ZBTB7C: variants seen among roughly 807,000 people sequenced by gnomAD.
The protein encoded by ZBTB7C is zinc finger and BTB domain-containing protein 7C.
A neutral mutation model predicts 25.7 loss-of-function variants in ZBTB7C; 8 were observed. The observed-to-expected ratio is 0.31, with a 90% confidence interval of 0.18 to 0.56. The LOEUF is 0.56. Ranked by LOEUF, ZBTB7C falls within the 20% of genes least tolerant of loss-of-function variation. The probability of loss-of-function intolerance (pLI) is 0.91; values close to 1 mark genes in which losing one functional copy is unlikely to be tolerated. For synonymous variants in ZBTB7C, 394 were observed against 369.0 expected (o/e 1.07, Z -0.78); for missense variants, 824 against 855.2 (o/e 0.96, Z 0.46).
rs1345493584 is a variant in ZBTB7C at position 48,259,471 on chromosome 18, T to C, written c.-78-73476A>G. On this transcript the variant is annotated intron_variant, in intron 2 of 4. Coordinates refer to ENST00000590800, the MANE Select transcript of ZBTB7C (RefSeq NM_001318841.2). ...AAACAAGAGAAAAATCTTTCTGACCTTCAGTTAGGCAATAATGTCTTAGAT... is the reference window on the plus strand; with the variant it reads ...AAACAAGAGAAAAATCTTTCTGACCCTCAGTTAGGCAATAATGTCTTAGAT... Among the ~76,000 whole-genome samples, 2 of 126,064 alleles carry C rather than the reference T, an allele frequency of 1.6e-5. 1 individual carries two copies. The highest frequency in any genetic ancestry group is 7.3e-5 in the African/African-American group (2 of 27,342). The allele number at this position is 126,064 out of a possible 152,430, so 82.7% of individuals were successfully genotyped here. A position where few individuals can be genotyped will look rare whatever the true frequency, so the allele number is the denominator to read the frequency against.
At chr18:48,082,810 T>C (rs1328179163) in intron 3 of ZBTB7C, among the ~76,000 whole-genome samples, 1 of 152,146 alleles carries the variant, frequency 6.6e-6, no homozygotes, top group African/African-American at 2.4e-5. Context: ...TAGAGCAGGT[T>C]GCTTTGATGG....
chr18:48,292,599 T>G (rs1430991055), intron 2 of ZBTB7C, among the ~76,000 whole-genome samples: 6 of 152,180 alleles, frequency 3.9e-5, no homozygotes, highest in Admixed American at 3.9e-4. Flanking sequence ...GCTCGTCTGC[T>G]GCAGGTAGCC....
intron 2 of ZBTB7C, among the ~76,000 whole-genome samples, chr18:48,292,419 T>A (rs945676568): frequency 2.6e-5 from 4 of 152,078 alleles, no homozygotes; most frequent in African/African-American, 9.7e-5. Flanking sequence ...ACTCCAGAGC[T>A]TTTCACTATG....
intron 2 of ZBTB7C, among the ~76,000 whole-genome samples, chr18:48,243,131 G>A (rs533613348): frequency 5.4e-4 from 82 of 152,104 alleles, no homozygotes; most frequent in African/African-American, 1.9e-3. Flanking sequence ...GGGCATGGTC[G>A]TACACGCCTA....
chr18:48,218,549 G>A (rs904789609), intron 2 of ZBTB7C, among the ~76,000 whole-genome samples: 1 of 152,176 alleles, frequency 6.6e-6, no homozygotes, highest in East Asian at 1.9e-4. Context: ...ACAGGGCCCT[G>A]CCTGGTAAGA....
At chr18:48,345,587 A>G (rs1388098734) in intron 1 of ZBTB7C, among the ~76,000 whole-genome samples, 1 of 151,924 alleles carries the variant, frequency 6.6e-6, no homozygotes, top group East Asian at 1.9e-4. Context: ...TCTCTTCAGC[A>G]TGCTCCTGGG....
At chr18:48,253,764 A>G (rs1484585150) in intron 2 of ZBTB7C, among the ~76,000 whole-genome samples, 2 of 152,240 alleles carry the variant, frequency 1.3e-5, no homozygotes, top group African/African-American at 4.8e-5. Context: ...AAGGGGTAAA[A>G]GAAATAGTAC....
intron 1 of ZBTB7C, among the ~76,000 whole-genome samples, chr18:48,399,310 T>C (rs899699932): frequency 6.6e-6 from 1 of 152,262 alleles, no homozygotes; most frequent in African/African-American, 2.4e-5. Flanking sequence ...AAACCCCTTT[T>C]GTACCTTTTG....
chr18:48,193,156 G>A (rs1568292995), intron 2 of ZBTB7C, among the ~76,000 whole-genome samples: 1 of 152,144 alleles, frequency 6.6e-6, no homozygotes, highest in Non-Finnish European at 1.5e-5. Flanking sequence ...AAAGTCAAGT[G>A]GGGAGGCCAG....
intron 3 of ZBTB7C, among the ~76,000 whole-genome samples, chr18:48,166,719 G>A (rs2041258579): frequency 6.6e-6 from 1 of 152,222 alleles, no homozygotes; most frequent in African/African-American, 2.4e-5. Flanking sequence ...CCAGGGGCCT[G>A]GGCACTACAC....
At chr18:48,064,951 T>C (rs1237362693) in intron 3 of ZBTB7C, among the ~76,000 whole-genome samples, 1 of 152,068 alleles carries the variant, frequency 6.6e-6, no homozygotes, top group Non-Finnish European at 1.5e-5. Flanking sequence ...ACTCCTAAGC[T>C]CCCACCACTC....
intron 1 of ZBTB7C, among the ~76,000 whole-genome samples, chr18:48,355,485 A>C (rs2046957594): frequency 6.6e-6 from 1 of 152,174 alleles, no homozygotes. Context: ...TCTGGCTCCC[A>C]TAAAGCCTGC....
chr18:48,327,664 G>C (rs1411673728), intron 2 of ZBTB7C, among the ~76,000 whole-genome samples: 1 of 152,096 alleles, frequency 6.6e-6, no homozygotes, highest in Non-Finnish European at 1.5e-5. Flanking sequence ...CTGGAGATGA[G>C]AGAGGGCAGG....
chr18:48,038,449 A>G (rs2036069765), intron 4 of ZBTB7C, among the ~76,000 whole-genome samples: 1 of 151,860 alleles, frequency 6.6e-6, no homozygotes, highest in Admixed American at 6.6e-5. Context: ...CAGCCACACC[A>G]GTGTCACCTG....
chr18:48,236,693 A>C (rs2043388977), intron 2 of ZBTB7C, among the ~76,000 whole-genome samples: 1 of 152,224 alleles, frequency 6.6e-6, no homozygotes, highest in Non-Finnish European at 1.5e-5. Flanking sequence ...ATGTGTGAAT[A>C]GTGAGGGCTA....
intron 2 of ZBTB7C, among the ~76,000 whole-genome samples, chr18:48,293,450 T>G (rs551796218): frequency 2.4e-4 from 36 of 152,304 alleles, no homozygotes; most frequent in South Asian, 8.3e-4. Flanking sequence ...GTTTAAACAT[T>G]CAGGCCACGG....
intron 2 of ZBTB7C, among the ~76,000 whole-genome samples, chr18:48,191,105 C>T (rs2042183218): frequency 6.6e-6 from 1 of 152,154 alleles, no homozygotes; most frequent in Admixed American, 6.5e-5. Context: ...TTCCCAAACT[C>T]CCTGCCCAGG....
chr18:48,157,242 T>C (rs1043208281), intron 3 of ZBTB7C, among the ~76,000 whole-genome samples: 1 of 152,080 alleles, frequency 6.6e-6, no homozygotes, highest in Non-Finnish European at 1.5e-5. Context: ...CATAGCAATA[T>C]AAATAGCATA....
chr18:48,265,416 T>C (rs575719779), intron 2 of ZBTB7C, among the ~76,000 whole-genome samples: 9 of 152,118 alleles, frequency 5.9e-5, no homozygotes, highest in Admixed American at 5.2e-4. Flanking sequence ...AACACGGGAG[T>C]TCAAGTCTTG....
Sources: allele counts gnomAD v4.1 joint callset (sites outside exome capture counted in the v4.1 genomes callset), GRCh38; gene constraint gnomAD v4.1.1; transcripts MANE v1.5; gene names NCBI Gene and HGNC (gene_info 2026-07-23, HGNC 2026-07-21).